The following ZFC3H1 variants were observed in gnomAD, a reference collection of about 807,000 sequenced individuals.
ZFC3H1 encodes the protein zinc finger C3H1 domain-containing protein.
In ZFC3H1, 71 loss-of-function variants were observed where a neutral mutation model predicts 243.7. That is an observed-to-expected ratio of 0.29 (90% confidence interval 0.24 to 0.36). The LOEUF is 0.36. Ranked by LOEUF, ZFC3H1 falls within the 10% of genes least tolerant of loss-of-function variation. ZFC3H1 has a pLI of 1.00. For missense variants in ZFC3H1, 1,966 were observed against 2,317.1 expected (o/e 0.85, Z 3.11); for synonymous variants, 838 against 813.0 (o/e 1.03, Z -0.52).
At chr12:71,631,028 T>C in intron 16 of ZFC3H1, 74 bp from the exon 17 acceptor site, 1 of 1,417,272 alleles carries the variant, frequency 7.1e-7, no homozygotes, top group South Asian at 1.7e-5. Context: ...ACTTTAGTTT[T>C]TCTTTCTCAA....
intron 30 of ZFC3H1, chr12:71,613,700 C>T (rs576641082): frequency 1.4e-5 from 4 of 291,600 alleles, no homozygotes; most frequent in Admixed American, 5.0e-5. Context: ...CCTGAGTCTA[C>T]CTTTACTTGC....
At position 71,657,164 on chromosome 12, in the gene ZFC3H1, C is replaced by T; in HGVS notation, c.736G>A (p.Glu246Lys). The T allele has an allele frequency of 6.2e-7, 1 of 1,613,876 alleles. No homozygotes were observed. Residue 246 changes from glutamate to lysine, a missense_variant, in exon 2 of 35, where the codon GAA (glutamate) becomes AAA (lysine). Physicochemically the swap from Glu to Lys is moderately conservative, Grantham distance 56. Coordinates refer to ENST00000378743, the MANE Select transcript of ZFC3H1 (RefSeq NM_144982.5). ...TCTTTGCTACTCAATGCTAGTTTTT[C>T]ATCCTTATTGATGCATTCTAGTTCC... is the stretch of plus-strand genomic sequence containing the variant. ...QLELECINKDEKLALSSKEEN... is the reference protein window; with the variant it reads ...QLELECINKDKKLALSSKEEN...
At chr12:71,625,291 A>C (rs999122477) in intron 22 of ZFC3H1, among the ~76,000 whole-genome samples, 5 of 152,204 alleles carry the variant, frequency 3.3e-5, no homozygotes, top group Non-Finnish European at 5.9e-5. Context: ...TTTATTTAAA[A>C]ATTTATCTGA....
chr12:71,633,581 T>TAAAA, intron 12 of ZFC3H1, 143 bp from the exon 13 acceptor site: 8 of 616,696 alleles, frequency 1.3e-5, no homozygotes, highest in Non-Finnish European at 2.2e-5. Context: ...TGAATATTTT[T>TAAAA]ATATTCATCA....
chr12:71,629,011 T>G lies in ZFC3H1; in HGVS notation c.3853A>C (p.Lys1285Gln). The change falls in exon 20 of 35, where the codon AAA (lysine) becomes CAA (glutamine). Residue 1285 changes from lysine (K) to glutamine (Q), a missense_variant. By Grantham distance (53) the Lys-to-Gln change is moderately conservative (BLOSUM62 1). This residue lies in a region of ZFC3H1 where 1,383 missense variants were observed against 1,723.7 expected (regional missense o/e 0.80). Coordinates refer to ENST00000378743, the MANE Select transcript of ZFC3H1 (RefSeq NM_144982.5). ...HTPPFTTYKD[K>Q]RKWKPKFWRK... ...CAAAACTTTGGCTTCCACTTTCTTT[T>G]ATCTTTGTAGGTTGTAAATGGAGGA... The G allele has an allele frequency of 6.2e-7, 1 of 1,612,840 alleles. No homozygotes were observed. The highest frequency in any genetic ancestry group is 8.5e-7 in the Non-Finnish European group (1 of 1,179,630).
chr12:71,633,812 T>C (rs562938781), intron 12 of ZFC3H1, among the ~76,000 whole-genome samples: 1 of 152,268 alleles, frequency 6.6e-6, no homozygotes, highest in Non-Finnish European at 1.5e-5. Flanking sequence ...TGCACCACCA[T>C]GCCCAGCTAA....
At chr12:71,648,887 C>T (rs1880799695) in intron 2 of ZFC3H1, among the ~76,000 whole-genome samples, 1 of 151,918 alleles carries the variant, frequency 6.6e-6, no homozygotes, top group South Asian at 2.1e-4. Context: ...GTCAGGAGTT[C>T]AAGACCAGCC....
intron 32 of ZFC3H1, 54 bp downstream of exon 32, chr12:71,611,732 A>G: frequency 9.0e-7 from 1 of 1,113,322 alleles, no homozygotes; most frequent in South Asian, 1.4e-5. Flanking sequence ...TCTGGAGCAA[A>G]CCTTATAAAT....
In ZFC3H1 at chr12:71,614,818, GA is replaced by G. The variant is rs780018887; in HGVS notation, c.5360+15del. 2.5e-6 allele frequency: 4 copies of G among 1,609,472 alleles called. No individual in the cohort carries two copies. Among genetic ancestry groups the G allele is most frequent in the Non-Finnish European group, 3.4e-6 (4 of 1,177,270 alleles). ...TATCCCCAAATCTCATTCTTATCAA[GA>G]AAACCTAAACTTACTCCATCCATAT... On this transcript the variant is annotated intron_variant, in intron 29 of 34. Coordinates refer to ENST00000378743, the MANE Select transcript of ZFC3H1 (RefSeq NM_144982.5).
Position 71,629,762 on chromosome 12 carries a change from G to A in ZFC3H1, c.3725-52C>T, listed in dbSNP as rs764998859. The A allele has an allele frequency of 4.3e-6, 5 of 1,163,690 alleles. No homozygotes were observed. In the South Asian group the frequency reaches 6.2e-5, roughly 14 times the overall value. 72.1% of individuals were successfully genotyped at this position (1,163,690 alleles called of 1,614,324 possible). On this transcript the variant is annotated intron_variant, in intron 18 of 34. Transcript: ENST00000378743. ...TGATAAATATCAATTACAGAGACTA[G>A]GATAATTAAAATGTATGACGTGAAC...
chr12:71,632,337 G>C lies in ZFC3H1; in HGVS notation c.2995C>G (p.Pro999Ala), dbSNP rs774363971. The C allele has an allele frequency of 6.2e-7, 1 of 1,613,826 alleles. No individual in the cohort carries two copies. Among genetic ancestry groups the C allele is most frequent in the South Asian group, 1.1e-5 (1 of 91,052 alleles). The part of the protein sequence containing the change: ...LKAKEQQNIS[P>A]VVEEEPEFSL... ...AATTCGGGTTCCTCTTCCACAACTG[G>C]AGAGATATTTTGTTGTTCCTTTGCT... is the stretch of plus-strand genomic sequence containing the variant. The change falls in exon 15 of 35, where the codon CCA becomes GCA. Residue 999 changes from proline to alanine, a missense_variant. Pro to Ala is a conservative substitution (Grantham distance 27). This residue lies in a region of ZFC3H1 where 1,383 missense variants were observed against 1,723.7 expected (regional missense o/e 0.80). Coordinates refer to ENST00000378743, the MANE Select transcript of ZFC3H1 (RefSeq NM_144982.5).
At chr12:71,643,450 T>C (rs896298346) in intron 5 of ZFC3H1, among the ~76,000 whole-genome samples, 2 of 151,876 alleles carry the variant, frequency 1.3e-5, no homozygotes, top group African/African-American at 2.4e-5. Context: ...ATATTTACAA[T>C]ATTCCTTGCT....
intron 30 of ZFC3H1, chr12:71,613,721 G>A (rs753934572): frequency 1.1e-4 from 27 of 240,936 alleles, no homozygotes; most frequent in Non-Finnish European, 1.4e-4. Context: ...TGTATAGCTC[G>A]GCAAGTCATA....
chr12:71,617,195 T>C (rs1181886050), intron 27 of ZFC3H1, among the ~76,000 whole-genome samples: 2 of 152,180 alleles, frequency 1.3e-5, no homozygotes, highest in African/African-American at 2.4e-5. Context: ...TTAATAAACA[T>C]TGACAACTTA....
chr12:71,639,447 GC>G, intron 6 of ZFC3H1: 1 of 230,216 alleles, frequency 4.3e-6, no homozygotes, highest in South Asian at 5.4e-5. Context: ...TCAGTGTTCT[GC>G]CCCATGAACA....
At chr12:71,656,805 T>C (rs1018112123) in intron 2 of ZFC3H1, 80 bp downstream of exon 2, 2 of 1,366,546 alleles carry the variant, frequency 1.5e-6, no homozygotes, top group Non-Finnish European at 2.0e-6. Context: ...ATCATTTCAA[T>C]GAAGTACACT....
Position 71,627,736 on chromosome 12 carries a change from T to C in ZFC3H1, c.4130+15A>G. The C allele has an allele frequency of 6.3e-7, 1 of 1,599,112 alleles. No individual in the cohort carries two copies. The highest frequency in any genetic ancestry group is 8.5e-7 in the Non-Finnish European group (1 of 1,173,542). On this transcript the variant is annotated intron_variant, in intron 21 of 34. Transcript: ENST00000378743. Reference sequence around the variant, plus strand: ...AATGTGCAACTGTTTACACAAAGATTTGAAGTTGACCTACCCCTCATTTTG... The same window carrying C: ...AATGTGCAACTGTTTACACAAAGATCTGAAGTTGACCTACCCCTCATTTTG...
At chr12:71,643,081 T>C (rs1880638759) in intron 5 of ZFC3H1, among the ~76,000 whole-genome samples, 1 of 152,218 alleles carries the variant, frequency 6.6e-6, no homozygotes, top group African/African-American at 2.4e-5. Flanking sequence ...AGAGACAGTT[T>C]ATAATAAACT....
chr12:71,660,600 C>T (rs1340552744), intron 1 of ZFC3H1, among the ~76,000 whole-genome samples: 1 of 151,598 alleles, frequency 6.6e-6, no homozygotes, highest in African/African-American at 2.4e-5. Context: ...ATGGTAGAGG[C>T]CCAAAATAGT....
Sources: allele counts gnomAD v4.1 joint callset (sites outside exome capture counted in the v4.1 genomes callset), GRCh38; gene constraint gnomAD v4.1.1; regional missense constraint gnomAD v4.1.1; transcripts MANE v1.5; gene names NCBI Gene and HGNC (gene_info 2026-07-23, HGNC 2026-07-21).